Variants in TRAF3IP2 observed in about 807,000 individuals in gnomAD.
TRAF3IP2 encodes E3 ubiquitin ligase TRAF3IP2.
In TRAF3IP2, 35 loss-of-function variants were observed where a neutral mutation model predicts 57.9. The ratio of observed to expected loss-of-function variants is 0.60; its 90% CI spans 0.46 to 0.80. The LOEUF (loss-of-function observed/expected upper bound fraction) is 0.80, where lower values mean the gene tolerates loss of function less well. Among genes scored for constraint, TRAF3IP2 ranks in the 30% least tolerant of loss-of-function variants. The pLI is 0.00. For synonymous variants in TRAF3IP2, 251 were observed against 268.9 expected (o/e 0.93, Z 0.65); for missense variants, 556 against 706.4 (o/e 0.79, Z 2.41).
chr6:111,561,754 A>G (rs924211327), intron 8 of TRAF3IP2, among the ~76,000 whole-genome samples: 1 of 152,200 alleles, frequency 6.6e-6, no homozygotes, highest in African/African-American at 2.4e-5. Flanking sequence ...AAAACGGCAC[A>G]AAATTTGTAA....
chr6:111,568,475 G>A (rs995794726), intron 5 of TRAF3IP2, among the ~76,000 whole-genome samples: 2 of 43,954 alleles, frequency 4.6e-5, no homozygotes, highest in African/African-American at 1.4e-4. Context: ...GTGTGTGTGT[G>A]TGTGTGTGTG....
At chr6:111,563,861 C>T (rs748037441) in intron 7 of TRAF3IP2, among the ~76,000 whole-genome samples, 3 of 152,200 alleles carry the variant, frequency 2.0e-5, no homozygotes, top group Non-Finnish European at 4.4e-5. Context: ...TGCTCTGACA[C>T]TGTGGTAGCC....
rs1795249117 is a variant in TRAF3IP2 at position 111,556,656 on chromosome 6, A to ACTT, written c.*2746_*2748dup. ...ATGTCAGAAAGTCTTACAAATGAGT[A>ACTT]CTTATGTTATGCTAGTTTTTCTTCT... On this transcript the variant is annotated 3_prime_UTR_variant, in exon 9 of 9. Transcript: ENST00000368761. The ACTT allele has an allele frequency of 6.6e-6, 1 of 152,192 alleles. No homozygotes were observed. The highest frequency in any genetic ancestry group is 1.5e-5 in the Non-Finnish European group (1 of 68,022). 9.4% of individuals were successfully genotyped at this position (152,192 alleles called of 1,614,324 possible).
rs566399232 is a variant in TRAF3IP2, at chr6:111,579,060, G to A, written c.1022+1137C>T. Among the ~76,000 whole-genome samples the A allele has an allele frequency of 1.2e-3, 179 of 152,330 alleles. 1 individual carries two copies. The highest frequency in any genetic ancestry group is 5.2e-3 in the South Asian group (25 of 4,828). On this transcript the variant is annotated intron_variant, in intron 3 of 8. Coordinates refer to ENST00000368761, the MANE Select transcript of TRAF3IP2 (RefSeq NM_147686.4). The stretch of plus-strand genomic sequence containing the variant: ...AAAATGATTAAAGAGGCAGGGCACA[G>A]TGGCTCATGCCTGCAATCCCAGCAC...
chr6:111,580,731 T>A (rs1380891044), intron 2 of TRAF3IP2, among the ~76,000 whole-genome samples: 1 of 152,216 alleles, frequency 6.6e-6, no homozygotes, highest in African/African-American at 2.4e-5. Flanking sequence ...CACACCACCA[T>A]TCCTACCACA....
Position 111,591,311 on chromosome 6 carries a change from G to A in TRAF3IP2, c.776C>T (p.Ala259Val). 1.3e-6 allele frequency: 2 copies of A among 1,516,458 alleles called. No individual in the cohort carries two copies. The highest frequency in any genetic ancestry group is 1.8e-6 in the Non-Finnish European group (2 of 1,134,096). 93.9% of individuals were successfully genotyped at this position (1,516,458 alleles called of 1,614,324 possible). A position where few individuals can be genotyped will look rare whatever the true frequency, so the allele number is the denominator to read the frequency against. Residue 259 changes from alanine to valine, a missense_variant, in exon 2 of 9, where the codon GCT (alanine) becomes GTT (valine). Ala to Val is a moderately conservative substitution (Grantham distance 64). This residue lies in a region of TRAF3IP2 where 428 missense variants were observed against 498.7 expected (regional missense o/e 0.86). Coordinates refer to ENST00000368761, the MANE Select transcript of TRAF3IP2 (RefSeq NM_147686.4). This position sits in a 1 kb window ranked among gnomAD's most constrained non-coding sequence, Gnocchi z 4.9. ...ACAATGGTAATGATAGTTCCATGGA[G>A]CATGTGGGGAAAGATTGGGAGGCAG... ...QMLPPNLSPH[A>V]PWNYHYHCPG...
At chr6:111,598,912 CAT>C (rs200824855) in intron 1 of TRAF3IP2, among the ~76,000 whole-genome samples, 2,056 of 152,068 alleles carry the variant, frequency 0.014, 33 homozygotes, top group African/African-American at 0.048. Flanking sequence ...AGGGTGAGAA[CAT>C]GTGCCTGGGG....
rs3777919 is a variant in TRAF3IP2, at chr6:111,590,543, T to C, written c.829+715A>G. 2.0e-5 allele frequency among the ~76,000 whole-genome samples: 3 copies of C among 152,300 alleles called. No individual in the cohort carries two copies. The East Asian group carries it at 5.8e-4, about 29-fold the overall frequency. On this transcript the variant is annotated intron_variant, in intron 2 of 8. Coordinates refer to ENST00000368761, the MANE Select transcript of TRAF3IP2 (RefSeq NM_147686.4). ...TTGCAGTATGTATATTAGATCTCGA[T>C]AAAGCAGTTTTTTTAAAAGGTGTAT...
intron 7 of TRAF3IP2, 84 bp from the exon 8 acceptor site, chr6:111,563,123 G>T (rs1795506973): frequency 1.0e-6 from 1 of 993,612 alleles, no homozygotes; most frequent in Non-Finnish European, 1.6e-6. Flanking sequence ...CGTCCACATG[G>T]CATTTTTATT....
At chr6:111,582,479 A>G (rs749619733) in intron 2 of TRAF3IP2, among the ~76,000 whole-genome samples, 6 of 152,142 alleles carry the variant, frequency 3.9e-5, no homozygotes, top group Non-Finnish European at 7.4e-5. Flanking sequence ...TCAGAATGGA[A>G]GACAGGCCCA....
At chr6:111,562,660 A>G (rs1009477383) in intron 8 of TRAF3IP2, among the ~76,000 whole-genome samples, 9 of 152,128 alleles carry the variant, frequency 5.9e-5, no homozygotes, top group Non-Finnish European at 1.3e-4. Flanking sequence ...CCTGGCCAAC[A>G]TGGTGAAACC....
chr6:111,604,591 G>A, intron 1 of TRAF3IP2, among the ~76,000 whole-genome samples: 1 of 152,198 alleles, frequency 6.6e-6, no homozygotes, highest in African/African-American at 2.4e-5. Flanking sequence ...CTCAATTCCA[G>A]GCAGCCCTCC....
chr6:111,590,218 G>A (rs1312389822), intron 2 of TRAF3IP2, among the ~76,000 whole-genome samples: 2 of 152,212 alleles, frequency 1.3e-5, no homozygotes, highest in African/African-American at 4.8e-5. Context: ...CAGACACTGT[G>A]CTTAAATCCT....
intron 3 of TRAF3IP2, among the ~76,000 whole-genome samples, chr6:111,578,076 GAAC>G (rs1796043907): frequency 6.6e-6 from 1 of 152,120 alleles, no homozygotes; most frequent in Non-Finnish European, 1.5e-5. Context: ...AAGAAGATCA[GAAC>G]AGGCTTAAAT....
At chr6:111,579,504 G>A (rs1796093963) in intron 3 of TRAF3IP2, among the ~76,000 whole-genome samples, 1 of 152,154 alleles carries the variant, frequency 6.6e-6, no homozygotes, top group Non-Finnish European at 1.5e-5. Flanking sequence ...AGGCCAAGGT[G>A]GGTGGATCAC....
At chr6:111,602,694 G>A (rs756353203) in intron 1 of TRAF3IP2, among the ~76,000 whole-genome samples, 1 of 152,138 alleles carries the variant, frequency 6.6e-6, no homozygotes, top group Non-Finnish European at 1.5e-5. Context: ...GGAAGAGTTT[G>A]GACAGACAGC....
At chr6:111,562,860 G>T in intron 8 of TRAF3IP2, 105 bp downstream of exon 8, 10 of 848,720 alleles carry the variant, frequency 1.2e-5, no homozygotes, top group African/African-American at 1.8e-5. Context: ...AAAAAAAAAA[G>T]AAAAGAAAGA....
chr6:111,584,364 G>A (rs1796263725), intron 2 of TRAF3IP2, among the ~76,000 whole-genome samples: 1 of 152,090 alleles, frequency 6.6e-6, no homozygotes, highest in Admixed American at 6.5e-5. Flanking sequence ...TTAAAATTAG[G>A]GTACTGACAA....
At chr6:111,601,759 T>C (rs1039442856) in intron 1 of TRAF3IP2, 1 of 152,212 alleles carries the variant, frequency 6.6e-6, no homozygotes, top group African/African-American at 2.4e-5. Flanking sequence ...GATCCTGAGA[T>C]CTACTTCGGA....
Sources: gnomAD v4.1 joint callset for allele counts (sites outside exome capture counted in the v4.1 genomes callset) on GRCh38, gnomAD v4.1.1 for gene constraint, gnomAD v4.1.1 regional missense constraint, Gnocchi (gnomAD v3.1) non-coding constraint, MANE v1.5 for transcripts, NCBI Gene and HGNC (gene_info 2026-07-23, HGNC 2026-07-21) for gene names.